Variants in MRPS28 observed in about 807,000 individuals in gnomAD.
MRPS28 encodes mitochondrial ribosomal protein S28, also known as small ribosomal subunit protein bS1m.
MRPS28 carries 7 observed loss-of-function variants against 10.8 expected under a neutral mutation model. That is an observed-to-expected ratio of 0.65 (90% CI 0.37 to 1.22). MRPS28 has a LOEUF of 1.22. MRPS28 is among the 50% of genes most tolerant of loss of function. MRPS28 has a pLI of 0.02. For missense variants in MRPS28, 265 were observed against 232.9 expected (o/e 1.14, Z -0.90); for synonymous variants, 121 against 93.3 (o/e 1.30, Z -1.71).
chr8:80,029,992 T>A, intron 1 of MRPS28, 44 bp downstream of exon 1: 1 of 1,597,242 alleles, frequency 6.3e-7, no homozygotes. Context: ...CACCGCGTCG[T>A]TGGCGTAATT....
At chr8:80,022,380 T>C (rs1809389546) in intron 1 of MRPS28, among the ~76,000 whole-genome samples, 2 of 152,240 alleles carry the variant, frequency 1.3e-5, no homozygotes, top group Non-Finnish European at 2.9e-5. Context: ...TTTTTGGCTA[T>C]TACAAATGAA....
chr8:79,923,957 T>G (rs1488797322), intron 2 of MRPS28, among the ~76,000 whole-genome samples: 1 of 152,254 alleles, frequency 6.6e-6, no homozygotes, highest in Non-Finnish European at 1.5e-5. Flanking sequence ...AGACATTCTT[T>G]AACATCTGTC....
intron 1 of MRPS28, among the ~76,000 whole-genome samples, chr8:80,012,628 G>C (rs984588575): frequency 3.3e-5 from 5 of 152,164 alleles, no homozygotes; most frequent in African/African-American, 1.2e-4. Context: ...ACTTGGAGTT[G>C]ACTATTTCCT....
chr8:79,921,026 G>A (rs1181287443), intron 2 of MRPS28, among the ~76,000 whole-genome samples: 7 of 152,150 alleles, frequency 4.6e-5, no homozygotes, highest in South Asian at 4.1e-4. Flanking sequence ...AGTTTTCCCA[G>A]CACCATTTAT....
intron 2 of MRPS28, among the ~76,000 whole-genome samples, chr8:79,961,278 CT>C (rs1411648038): frequency 1.3e-5 from 2 of 151,974 alleles, no homozygotes; most frequent in Non-Finnish European, 2.9e-5. Context: ...ATTATTTTCC[CT>C]TTTTGACAAT....
chr8:79,986,582 G>A (rs1221290442), intron 2 of MRPS28, among the ~76,000 whole-genome samples: 2 of 152,166 alleles, frequency 1.3e-5, no homozygotes, highest in African/African-American at 4.8e-5. Flanking sequence ...CAAAGTCTCA[G>A]GATACAAAAT....
intron 2 of MRPS28, among the ~76,000 whole-genome samples, chr8:79,984,437 A>G (rs1808085996): frequency 6.6e-6 from 1 of 152,226 alleles, no homozygotes; most frequent in African/African-American, 2.4e-5. Context: ...TTAACCTTAA[A>G]TGTAAATGGA....
chr8:79,965,748 T>C (rs1186841982), intron 2 of MRPS28, among the ~76,000 whole-genome samples: 8 of 152,006 alleles, frequency 5.3e-5, no homozygotes, highest in African/African-American at 1.9e-4. Context: ...GCTTTGAGAG[T>C]AGATGCTTTA....
At chr8:79,923,926 G>A (rs981919248) in intron 2 of MRPS28, among the ~76,000 whole-genome samples, 17 of 152,172 alleles carry the variant, frequency 1.1e-4, no homozygotes, top group Admixed American at 6.5e-5. Context: ...CCTTTGGAGA[G>A]GTTTCTGACA....
intron 2 of MRPS28, among the ~76,000 whole-genome samples, chr8:79,999,223 C>T (rs537640461): frequency 1.8e-4 from 27 of 152,314 alleles, no homozygotes; most frequent in African/African-American, 5.8e-4. Flanking sequence ...GCAGAGAACA[C>T]GTGTCCAGCC....
intron 1 of MRPS28, 72 bp from the exon 2 acceptor site, chr8:80,003,252 T>C: frequency 8.5e-7 from 1 of 1,177,682 alleles, no homozygotes; most frequent in Non-Finnish European, 1.1e-6. Context: ...AAAGAAATTT[T>C]CTTAAAGTCA....
At chr8:79,954,132 A>G (rs1807145275) in intron 2 of MRPS28, among the ~76,000 whole-genome samples, 1 of 152,192 alleles carries the variant, frequency 6.6e-6, no homozygotes, top group Non-Finnish European at 1.5e-5. Flanking sequence ...ATTCTCAGCT[A>G]TTTGGGAGGC....
At chr8:80,021,006 CTTTT>C (rs372456678) in intron 1 of MRPS28, among the ~76,000 whole-genome samples, 2 of 143,194 alleles carry the variant, frequency 1.4e-5, no homozygotes, top group Non-Finnish European at 1.5e-5. Flanking sequence ...CACACACACA[CTTTT>C]TTTTTTTTTT....
intron 2 of MRPS28, chr8:79,957,351 C>T (rs1207683397): frequency 6.6e-6 from 1 of 151,918 alleles, no homozygotes; most frequent in Non-Finnish European, 1.5e-5. Flanking sequence ...TGTCTATCTA[C>T]TCTACTAATA....
At chr8:79,943,648 G>A (rs979396669) in intron 2 of MRPS28, among the ~76,000 whole-genome samples, 2 of 152,138 alleles carry the variant, frequency 1.3e-5, no homozygotes, top group African/African-American at 4.8e-5. Flanking sequence ...GCATACAACT[G>A]AATTTGAAGA....
chr8:79,990,576 C>T (rs1317167922), intron 2 of MRPS28, among the ~76,000 whole-genome samples: 2 of 152,114 alleles, frequency 1.3e-5, no homozygotes. Flanking sequence ...TCACCACTCC[C>T]TAAAACTTCC....
intron 2 of MRPS28, among the ~76,000 whole-genome samples, chr8:79,958,936 G>T (rs958728026): frequency 9.9e-5 from 15 of 151,956 alleles, no homozygotes; most frequent in African/African-American, 3.1e-4. Context: ...ATAGACATGG[G>T]GTTACAATCT....
intron 1 of MRPS28, among the ~76,000 whole-genome samples, chr8:80,005,752 G>C (rs1169784543): frequency 6.6e-6 from 1 of 152,136 alleles, no homozygotes; most frequent in Non-Finnish European, 1.5e-5. Context: ...CTCACGTGCA[G>C]AGACACACAT....
At chr8:79,931,652 A>G (rs944887923) in intron 2 of MRPS28, among the ~76,000 whole-genome samples, 4 of 152,338 alleles carry the variant, frequency 2.6e-5, no homozygotes, top group Non-Finnish European at 4.4e-5. Context: ...TAAATCCTCA[A>G]TGAAAGTCCA....
Sources: gnomAD v4.1 joint callset for allele counts (sites outside exome capture counted in the v4.1 genomes callset) on GRCh38, gnomAD v4.1.1 for gene constraint, MANE v1.5 for transcripts, NCBI Gene and HGNC (gene_info 2026-07-23, HGNC 2026-07-21) for gene names.